CNTFR: variants seen among roughly 807,000 people sequenced by gnomAD.
CNTFR encodes ciliary neurotrophic factor receptor subunit alpha.
Under a neutral mutation model 40.4 loss-of-function variants are expected in CNTFR, and 12 were observed. The observed-to-expected ratio is 0.30, with a 90% confidence interval of 0.19 to 0.48. The LOEUF (loss-of-function observed/expected upper bound fraction) is 0.48, where lower values mean the gene tolerates loss of function less well. Among genes scored for constraint, CNTFR ranks in the 20% least tolerant of loss-of-function variants. The pLI, the probability that CNTFR is intolerant of heterozygous loss-of-function variation, is 0.99. For synonymous variants in CNTFR, 202 were observed against 209.6 expected (o/e 0.96, Z 0.31); for missense variants, 414 against 506.8 (o/e 0.82, Z 1.76).
chr9:34,579,716 C>T (rs1349934005), intron 2 of CNTFR, among the ~76,000 whole-genome samples: 2 of 152,122 alleles, frequency 1.3e-5, no homozygotes, highest in African/African-American at 4.8e-5. Flanking sequence ...CAGAGAGAGG[C>T]TCTCTGCAAG....
In CNTFR at chr9:34,577,137, T is replaced by A. The variant is rs145112320; in HGVS notation, c.-1+3958A>T. ...CTTGGACCCTGCAGCCCCGCCCCCATCACTGGAGGAGTAGACGCGGAGTCG... is the reference window on the plus strand; with the variant it reads ...CTTGGACCCTGCAGCCCCGCCCCCAACACTGGAGGAGTAGACGCGGAGTCG... On this transcript the variant is annotated intron_variant, in intron 2 of 9. Transcript: ENST00000378980. 4.8e-3 allele frequency among the ~76,000 whole-genome samples: 730 copies of A among 152,260 alleles called. 10 individuals are homozygous for A. The highest frequency in any genetic ancestry group is 0.017 in the African/African-American group (693 of 41,558).
At chr9:34,555,886 C>T (rs1385134645) in intron 7 of CNTFR, among the ~76,000 whole-genome samples, 2 of 149,032 alleles carry the variant, frequency 1.3e-5, no homozygotes, top group South Asian at 2.2e-4. Context: ...CTGTCCTGCC[C>T]GCCATCTCCC....
intron 3 of CNTFR, among the ~76,000 whole-genome samples, chr9:34,565,212 G>A (rs12554423): frequency 4.9e-4 from 74 of 152,012 alleles, no homozygotes; most frequent in Admixed American, 2.6e-3. Context: ...CCCATGACCC[G>A]GATCTCTTGC....
rs1023401047 is a variant in CNTFR, at chr9:34,557,197, G to GT, written c.604+328_604+329insA. On this transcript the variant is annotated intron_variant, in intron 6 of 9. Coordinates refer to ENST00000378980, the MANE Select transcript of CNTFR (RefSeq NM_147164.3). This position sits in a 1 kb window ranked among gnomAD's most constrained non-coding sequence, Gnocchi z 4.2. ...CGTAAGGAAGCCATTAGAGTTGGGG[G>GT]GGGGTGCGGTGGAGGCTGCAGCTGC... is the stretch of plus-strand genomic sequence containing the variant. Among the ~76,000 whole-genome samples, 7 of 151,458 alleles carry GT rather than the reference G, an allele frequency of 4.6e-5. No homozygotes were observed. In the East Asian group the frequency reaches 7.7e-4, roughly 17 times the overall value.
In CNTFR at chr9:34,551,690, T is replaced by C. The variant is rs1587112386; in HGVS notation, c.*381A>G. 1 of 403,056 alleles carries C rather than the reference T, an allele frequency of 2.5e-6. No homozygotes were observed. Among genetic ancestry groups the C allele is most frequent in the Non-Finnish European group, 4.6e-6 (1 of 216,904 alleles). 25.0% of individuals were successfully genotyped at this position (403,056 alleles called of 1,614,324 possible). ...GCATCAGGAGCTTATAATCTGATGG[T>C]GGCAACAGAGACCCTGGGATAGACA... On this transcript the variant is annotated 3_prime_UTR_variant, in exon 10 of 10. Coordinates refer to ENST00000378980, the MANE Select transcript of CNTFR (RefSeq NM_147164.3).
At chr9:34,559,820 G>C (rs1344540517) in intron 4 of CNTFR, among the ~76,000 whole-genome samples, 1 of 152,152 alleles carries the variant, frequency 6.6e-6, no homozygotes, top group Non-Finnish European at 1.5e-5. Context: ...ACTCCTCGGA[G>C]GGCAGAGCGG....
chr9:34,569,049 C>T, intron 2 of CNTFR, 68 bp from the exon 3 acceptor site: 2 of 1,431,736 alleles, frequency 1.4e-6, no homozygotes, highest in South Asian at 2.4e-5. Context: ...TGGGGAGCCC[C>T]TCCTGTTCTC....
At chr9:34,569,312 C>G (rs1016645244) in intron 2 of CNTFR, among the ~76,000 whole-genome samples, 4 of 152,162 alleles carry the variant, frequency 2.6e-5, no homozygotes, top group Non-Finnish European at 5.9e-5. Flanking sequence ...TAGAAGGCAA[C>G]CTATGGTGGT....
chr9:34,567,432 C>T (rs1166281974), intron 3 of CNTFR, among the ~76,000 whole-genome samples: 1 of 152,164 alleles, frequency 6.6e-6, no homozygotes, highest in African/African-American at 2.4e-5. Context: ...AGGGCAGTCA[C>T]CCCTAAAGAA....
intron 1 of CNTFR, among the ~76,000 whole-genome samples, chr9:34,587,573 T>A (rs1315350403): frequency 6.6e-6 from 1 of 152,074 alleles, no homozygotes; most frequent in South Asian, 2.1e-4. Context: ...CTGAGTGAGC[T>A]CCAGGGTCCC....
Position 34,552,607 on chromosome 9 carries a change from G to A in CNTFR, c.949+67C>T. The A allele has an allele frequency of 6.6e-7, 1 of 1,524,382 alleles. No individual in the cohort carries two copies. Among genetic ancestry groups the A allele is most frequent in the Non-Finnish European group, 8.9e-7 (1 of 1,128,958 alleles). The allele number at this position is 1,524,382 out of a possible 1,614,324, so 94.4% of individuals were successfully genotyped here. On this transcript the variant is annotated intron_variant, in intron 8 of 9. Transcript: ENST00000378980. The surrounding 1 kb of genome is among the most constrained non-coding windows in gnomAD (Gnocchi z 5.1). ...GGCTGGAGGCAGCAGGGTAGAACCA[G>A]GCCACAGGTTCTACCACAGGCCTCC...
In CNTFR at chr9:34,565,572, G is replaced by A. The variant is rs57183367; in HGVS notation, c.86-740C>T. 5.3e-3 allele frequency among the ~76,000 whole-genome samples: 812 copies of A among 152,200 alleles called. 8 individuals carry two copies. Among genetic ancestry groups the A allele is most frequent in the African/African-American group, 0.019 (771 of 41,520 alleles). ...ACTACTTAGGGCAGGTTGGGGGCTT[G>A]GGGGGTGCGGTGCTGCTGGGATGGA... On this transcript the variant is annotated intron_variant, in intron 3 of 9. Transcript: ENST00000378980.
At position 34,564,543 on chromosome 9, in the gene CNTFR, G is replaced by A. The variant is rs1308530841; in HGVS notation, c.319+56C>T. ...AGGAAGGGGACTTGATCTGGGCTAG[G>A]AGTCTGGGTCTCAAGGAAGGAGGGA... On this transcript the variant is annotated intron_variant, in intron 4 of 9. Transcript: ENST00000378980. The A allele has an allele frequency of 5.5e-6, 8 of 1,464,774 alleles. No individual in the cohort carries two copies. The African/African-American group carries it at 7.0e-5, about 13-fold the overall frequency. 90.7% of individuals were successfully genotyped at this position (1,464,774 alleles called of 1,614,324 possible).
rs1217125314 is a variant in CNTFR, at chr9:34,551,827, G to T, written c.*244C>A. 3.2e-6 allele frequency: 2 copies of T among 633,420 alleles called. No individual in the cohort carries two copies. The highest frequency in any genetic ancestry group is 3.6e-5 in the African/African-American group (2 of 55,000). The allele number at this position is 633,420 out of a possible 1,614,324, so 39.2% of individuals were successfully genotyped here. A position where few individuals can be genotyped will look rare whatever the true frequency, so the allele number is the denominator to read the frequency against. ...TCCAGCCCAAGGGGCCAGGGTGAGG[G>T]GGTCTTTGGTGGGTGGGTTAGCTGC... On this transcript the variant is annotated 3_prime_UTR_variant, in exon 10 of 10. Coordinates refer to ENST00000378980, the MANE Select transcript of CNTFR (RefSeq NM_147164.3).
At position 34,567,603 on chromosome 9, in the gene CNTFR, A is replaced by T. The variant is rs531191736; in HGVS notation, c.85+1294T>A. On this transcript the variant is annotated intron_variant, in intron 3 of 9. Coordinates refer to ENST00000378980, the MANE Select transcript of CNTFR (RefSeq NM_147164.3). Reference sequence around the variant, plus strand: ...ACCTAAAGGCACAGCAGTTATGCCCAGGGACACAGGGAGACAGTTTAATAC... The same window carrying T: ...ACCTAAAGGCACAGCAGTTATGCCCTGGGACACAGGGAGACAGTTTAATAC... Among the ~76,000 whole-genome samples, 18 of 152,296 alleles carry T rather than the reference A, an allele frequency of 1.2e-4. No homozygotes were observed. The South Asian group carries it at 3.5e-3, about 30-fold the overall frequency.
Position 34,579,698 on chromosome 9 carries a change from GAGAAGCCC to G in CNTFR, c.-1+1389_-1+1396del, listed in dbSNP as rs1004471596. ...GAGGAAAGGAACCATGGGCAGCAGG[GAGAAGCCC>G]AGAGAGAGGCTCTCTGCAAGGGCTG... On this transcript the variant is annotated intron_variant, in intron 2 of 9. Transcript: ENST00000378980. Among the ~76,000 whole-genome samples, 8 of 152,244 alleles carry G rather than the reference GAGAAGCCC, an allele frequency of 5.3e-5. No individual in the cohort carries two copies. In the South Asian group the frequency reaches 1.5e-3, roughly 28 times the overall value.
In CNTFR at chr9:34,552,033, T is replaced by C. The variant is rs767701399; in HGVS notation, c.*38A>G. 8.3e-7 allele frequency: 1 copy of C among 1,203,546 alleles called. No individual in the cohort carries two copies. Among genetic ancestry groups the C allele is most frequent in the East Asian group, 2.4e-5 (1 of 42,144 alleles). The allele number at this position is 1,203,546 out of a possible 1,614,324, so 74.6% of individuals were successfully genotyped here. On this transcript the variant is annotated 3_prime_UTR_variant, in exon 10 of 10. Transcript: ENST00000378980. This position sits in a 1 kb window ranked among gnomAD's most constrained non-coding sequence, Gnocchi z 5.1. ...AGGCTCAGCTCCGGCCTCCTGCTCC[T>C]CTGCAGGTGCTCTGCATGTCCTCAT...
intron 2 of CNTFR, among the ~76,000 whole-genome samples, chr9:34,574,716 G>A (rs1388991809): frequency 1.3e-5 from 2 of 152,228 alleles, no homozygotes; most frequent in African/African-American, 4.8e-5. Context: ...CCGGAGATGG[G>A]GTCCTGGAGG....
At chr9:34,562,718 C>G (rs1826121100) in intron 4 of CNTFR, among the ~76,000 whole-genome samples, 1 of 152,154 alleles carries the variant, frequency 6.6e-6, no homozygotes, top group Non-Finnish European at 1.5e-5. Context: ...GAATCATTGG[C>G]TCAGGAGAAA....
Sources: gnomAD v4.1 joint callset for allele counts (sites outside exome capture counted in the v4.1 genomes callset) on GRCh38, gnomAD v4.1.1 for gene constraint, Gnocchi (gnomAD v3.1) non-coding constraint, MANE v1.5 for transcripts, NCBI Gene and HGNC (gene_info 2026-07-23, HGNC 2026-07-21) for gene names.